The following SRCAP variants were observed in gnomAD, a reference collection of about 807,000 sequenced individuals.
The protein encoded by SRCAP is chromatin remodeling protein SRCAP.
In SRCAP, 46 loss-of-function variants were observed where a neutral mutation model predicts 263.1. The observed-to-expected ratio is 0.17, with a 90% CI of 0.14 to 0.22. The LOEUF is 0.22. Among genes scored for constraint, SRCAP ranks in the 10% least tolerant of loss-of-function variants. The probability of loss-of-function intolerance (pLI) is 1.00; values close to 1 mark genes in which losing one functional copy is unlikely to be tolerated. For synonymous variants in SRCAP, 1,813 were observed against 1,662.1 expected (o/e 1.09, Z -2.21); for missense variants, 3,695 against 4,181.9 (o/e 0.88, Z 3.21).
Position 30,723,648 on chromosome 16 carries a change from T to TCAG in SRCAP, c.4224_4225insCAG (p.Pro1408_Gly1409insGln). The TCAG allele has an allele frequency of 6.2e-7, 1 of 1,613,784 alleles. No homozygotes were observed. The highest frequency in any genetic ancestry group is 8.5e-7 in the Non-Finnish European group (1 of 1,179,770). ...CTCTCCACGTGCCATCCTCCCTCCC[T>TCAG]GGGCCAGCCTCTTCTCCAATGCCAA... is the stretch of plus-strand genomic sequence containing the variant. On this transcript the variant is annotated inframe_insertion, in exon 25 of 34. Coordinates refer to ENST00000262518, the MANE Select transcript of SRCAP (RefSeq NM_006662.3).
At chr16:30,734,195 T>C in intron 30 of SRCAP, 187 bp downstream of exon 30, 1 of 634,820 alleles carries the variant, frequency 1.6e-6, no homozygotes, top group Non-Finnish European at 2.6e-6. Flanking sequence ...ATACAAAAAT[T>C]AGCCGGGCAT....
intron 18 of SRCAP, 89 bp downstream of exon 18, chr16:30,716,568 T>C (rs2052952891): frequency 3.3e-6 from 4 of 1,225,264 alleles, no homozygotes; most frequent in Non-Finnish European, 4.6e-6. Context: ...GGTCTGACTT[T>C]TGCATCCTCA....
At position 30,738,247 on chromosome 16, in the gene SRCAP, G is replaced by T. The variant is rs762767147; in HGVS notation, c.8207G>T (p.Gly2736Val). Residue 2736 changes from glycine to valine, a missense_variant, in exon 34 of 34, where the codon GGT (glycine) becomes GTT (valine). Gly to Val is a moderately radical substitution (Grantham distance 109). Around this residue, in one of 12 missense-constraint regions of SRCAP, gnomAD observed 1,207 missense variants for 1,142.9 expected, o/e 1.06. Transcript: ENST00000262518. ...ADVEIRGQGT[G>V]RPGQPPGPKV... is the part of the protein sequence containing the mutation. ...GTGGAAATTAGGGGTCAAGGGACTG[G>T]TCGGCCAGGACAACCACCAGGCCCC... is the stretch of plus-strand genomic sequence containing the variant. 6.2e-7 allele frequency: 1 copy of T among 1,613,452 alleles called. No homozygotes were observed. The highest frequency in any genetic ancestry group is 1.1e-5 in the South Asian group (1 of 91,016).
Position 30,739,936 on chromosome 16 carries a change from C to G in SRCAP, c.*203C>G. 2.5e-6 allele frequency: 2 copies of G among 795,544 alleles called. No homozygotes were observed. Among genetic ancestry groups the G allele is most frequent in the Non-Finnish European group, 3.6e-6 (2 of 556,052 alleles). The allele number at this position is 795,544 out of a possible 1,614,324, so 49.3% of individuals were successfully genotyped here. Reference sequence around the variant, plus strand: ...TCATCACAGTCCCCTTCCCCTTCACCCCACGTGGCTGGGCAGTGTTAAGGG... The same window carrying G: ...TCATCACAGTCCCCTTCCCCTTCACGCCACGTGGCTGGGCAGTGTTAAGGG... On this transcript the variant is annotated 3_prime_UTR_variant, in exon 34 of 34. Transcript: ENST00000262518.
In SRCAP at chr16:30,733,254, C is replaced by G; in HGVS notation, c.6128-26C>G. 2 of 1,609,974 alleles carry G rather than the reference C, an allele frequency of 1.2e-6. No homozygotes were observed. Among genetic ancestry groups the G allele is most frequent in the Non-Finnish European group, 8.5e-7 (1 of 1,178,968 alleles). On this transcript the variant is annotated intron_variant, in intron 27 of 33. Coordinates refer to ENST00000262518, the MANE Select transcript of SRCAP (RefSeq NM_006662.3). This position sits in a 1 kb window ranked among gnomAD's most constrained non-coding sequence, Gnocchi z 5.3. ...TACCCATTGCGGCTTGTAGCTAGCT[C>G]CCTGTATCCCTTCATATCTCTTTAG...
chr16:30,703,923 C>A, intron 3 of SRCAP, 141 bp from the exon 4 acceptor site: 3 of 1,046,064 alleles, frequency 2.9e-6, no homozygotes, highest in Non-Finnish European at 4.0e-6. Context: ...AACTTTATCC[C>A]GAACGTTTGT....
rs932054538 is a variant in SRCAP at position 30,712,040 on chromosome 16, A to T, written c.1698A>T (p.Ala566=). 6.2e-7 allele frequency: 1 copy of T among 1,614,078 alleles called. No individual in the cohort carries two copies. The highest frequency in any genetic ancestry group is 1.1e-5 in the South Asian group (1 of 91,074). Residue 566 remains alanine, a synonymous_variant, in exon 12 of 34, where the codon GCA becomes GCT. Transcript: ENST00000262518. Reference sequence around the variant, plus strand: ...ATGAAGAGCAGAGTGAGGCAGATGCAGGCAGTGGGCCTCCTACTCCAGGGC... The same window carrying T: ...ATGAAGAGCAGAGTGAGGCAGATGCTGGCAGTGGGCCTCCTACTCCAGGGC... ...ARDEEQSEAD[A]GSGPPTPGPT...
chr16:30,715,061 T>A (rs946449895), intron 16 of SRCAP, among the ~76,000 whole-genome samples: 1 of 152,230 alleles, frequency 6.6e-6, no homozygotes, highest in Non-Finnish European at 1.5e-5. Flanking sequence ...AGGCTTTGAC[T>A]ATTTCTTATG....
Position 30,722,567 on chromosome 16 carries a change from TGTG to T in SRCAP, c.3715_3717del (p.Val1239del). On this transcript the variant is annotated inframe_deletion, in exon 23 of 34. Coordinates refer to ENST00000262518, the MANE Select transcript of SRCAP (RefSeq NM_006662.3). The stretch of plus-strand genomic sequence containing the variant: ...TTCTCTCTTCCCTTAACCCAGGGAA[TGTG>T]GTGCACCTCGTGTCAGCAGGGGGGC... 4 of 1,614,020 alleles carry T rather than the reference TGTG, an allele frequency of 2.5e-6. No individual in the cohort carries two copies. The highest frequency in any genetic ancestry group is 3.4e-6 in the Non-Finnish European group (4 of 1,179,960).
chr16:30,733,293 G>C lies in SRCAP; in HGVS notation c.6141G>C (p.Thr2047=), dbSNP rs774921093. 1.2e-6 allele frequency: 2 copies of C among 1,613,912 alleles called. No individual in the cohort carries two copies. Among genetic ancestry groups the C allele is most frequent in the African/African-American group, 2.7e-5 (2 of 75,048 alleles). The part of the protein sequence containing the change: ...LIQYDCGKLQ[T]LAVLLRQLKA... ...ATATCTCTTTAGGAAAGTTGCAGAC[G>C]TTGGCAGTGCTGTTGCGGCAGCTCA... The change falls in exon 28 of 34, where the codon ACG becomes ACC. Residue 2047 remains threonine, a synonymous_variant. Coordinates refer to ENST00000262518, the MANE Select transcript of SRCAP (RefSeq NM_006662.3). The surrounding 1 kb of genome is among the most constrained non-coding windows in gnomAD (Gnocchi z 5.3).
intron 25 of SRCAP, among the ~76,000 whole-genome samples, chr16:30,728,422 G>A (rs1243019278): frequency 6.6e-6 from 1 of 152,190 alleles, no homozygotes; most frequent in Non-Finnish European, 1.5e-5. Context: ...AGTCATCCAG[G>A]TGTCCTCACT....
chr16:30,726,850 C>T (rs904492914), intron 25 of SRCAP, among the ~76,000 whole-genome samples: 6 of 152,096 alleles, frequency 3.9e-5, no homozygotes, highest in African/African-American at 9.7e-5. Flanking sequence ...ACAGGCATGG[C>T]GTCACCACGC....
At position 30,721,336 on chromosome 16, in the gene SRCAP, C is replaced by T. The variant is rs763358483; in HGVS notation, c.3401C>T (p.Pro1134Leu). The T allele has an allele frequency of 6.2e-7, 1 of 1,614,192 alleles. No individual in the cohort carries two copies. The highest frequency in any genetic ancestry group is 1.1e-5 in the South Asian group (1 of 91,088). ...AGCCTGTTGAAGCCCCTGACAGTGC[C>T]ACCAGGCTACACCTTCCCTCCTGCT... ...SSSLLKPLTV[P>L]PGYTFPPAAA... Residue 1134 changes from proline to leucine, a missense_variant, in exon 21 of 34, where the codon CCA (proline) becomes CTA (leucine). Pro to Leu is a moderately conservative substitution (Grantham distance 98). Coordinates refer to ENST00000262518, the MANE Select transcript of SRCAP (RefSeq NM_006662.3).
At position 30,724,800 on chromosome 16, in the gene SRCAP, T is replaced by C. The variant is rs2053047245; in HGVS notation, c.5376T>C (p.Pro1792=). 1.2e-6 allele frequency: 2 copies of C among 1,613,474 alleles called. No individual in the cohort carries two copies. Among genetic ancestry groups the C allele is most frequent in the Non-Finnish European group, 1.7e-6 (2 of 1,179,714 alleles). The part of the protein sequence containing the change: ...PASVQTLTLS[P]APVPTLGPAA... ...CAGTGCAGACACTGACCTTGAGCCC[T>C]GCCCCAGTTCCTACCCTGGGCCCGG... Residue 1792 remains proline (P), a synonymous_variant, in exon 25 of 34, where the codon CCT becomes CCC. Transcript: ENST00000262518.
At chr16:30,714,461 G>A (rs999071388) in intron 16 of SRCAP, among the ~76,000 whole-genome samples, 5 of 147,842 alleles carry the variant, frequency 3.4e-5, no homozygotes, top group African/African-American at 1.0e-4. Flanking sequence ...TGCCTGCCTC[G>A]GCCTCCGAAA....
intron 13 of SRCAP, 58 bp downstream of exon 13, chr16:30,712,497 T>C (rs1596647964): frequency 1.3e-6 from 2 of 1,527,836 alleles, no homozygotes; most frequent in East Asian, 4.5e-5. Context: ...GGGAGCTTGT[T>C]CAGTGATGAC....
At chr16:30,704,490 C>T (rs1431378852) in intron 4 of SRCAP, among the ~76,000 whole-genome samples, 175 bp downstream of exon 4, 5 of 151,988 alleles carry the variant, frequency 3.3e-5, no homozygotes, top group Non-Finnish European at 5.9e-5. Flanking sequence ...ATTTTCCTTG[C>T]TGTAAATAAA....
Position 30,737,325 on chromosome 16 carries a change from T to C in SRCAP, c.7285T>C (p.Cys2429Arg). The change falls in exon 34 of 34, where the codon TGC becomes CGC. Residue 2429 changes from cysteine (C) to arginine (R), a missense_variant. Physicochemically the swap from Cys to Arg is radical, Grantham distance 180. Around this residue, in one of 12 missense-constraint regions of SRCAP, gnomAD observed 1,207 missense variants for 1,142.9 expected, o/e 1.06. Transcript: ENST00000262518. ...TCGCAGCACCACCACACCACCCCGC[T>C]GCAGTCCTGCCAGGGAGCGAGTTCC... ...QTRSTTTPPR[C>R]SPARERVPRP... 6.2e-7 allele frequency: 1 copy of C among 1,614,114 alleles called. No homozygotes were observed. Among genetic ancestry groups the C allele is most frequent in the Non-Finnish European group, 8.5e-7 (1 of 1,180,010 alleles).
At chr16:30,720,102 T>C in intron 18 of SRCAP, 60 bp from the exon 19 acceptor site, 1 of 1,554,394 alleles carries the variant, frequency 6.4e-7, no homozygotes, top group African/African-American at 1.4e-5. Flanking sequence ...CAGCTACATC[T>C]GCGTTGCAAA....
Sources: allele counts gnomAD v4.1 joint callset (sites outside exome capture counted in the v4.1 genomes callset), GRCh38; gene constraint gnomAD v4.1.1; regional missense constraint gnomAD v4.1.1; non-coding constraint Gnocchi (gnomAD v3.1); transcripts MANE v1.5; gene names NCBI Gene and HGNC (gene_info 2026-07-23, HGNC 2026-07-21).